Variants in ARHGAP26 observed in about 807,000 individuals in gnomAD.
The protein encoded by ARHGAP26 is Rho GTPase activating protein 26.
A neutral mutation model predicts 104.8 loss-of-function variants in ARHGAP26; 38 were observed. The observed-to-expected ratio is 0.36, with a 90% CI of 0.28 to 0.48. ARHGAP26 has a LOEUF of 0.48. Ranked by LOEUF, ARHGAP26 falls within the 20% of genes least tolerant of loss-of-function variation. The pLI is 0.99. For synonymous variants in ARHGAP26, 341 were observed against 340.0 expected, an observed-to-expected ratio of 1.00 and a Z score of -0.03; for missense variants, 704 against 947.9, an observed-to-expected ratio of 0.74 and a Z score of 3.38.
intron 11 of ARHGAP26, among the ~76,000 whole-genome samples, chr5:142,985,382 C>G (rs1774540314): frequency 6.6e-6 from 1 of 152,152 alleles, no homozygotes; most frequent in African/African-American, 2.4e-5. Context: ...ATAAAGTCTA[C>G]AGTATTGTGC....
chr5:142,790,612 A>T (rs924912625), intron 1 of ARHGAP26, among the ~76,000 whole-genome samples: 1 of 152,168 alleles, frequency 6.6e-6, no homozygotes, highest in African/African-American at 2.4e-5. Context: ...GCGGCCTTGT[A>T]TGATCAGGCG....
intron 20 of ARHGAP26, chr5:143,173,086 A>C (rs1306361920): frequency 5.7e-6 from 1 of 174,600 alleles, no homozygotes; most frequent in Non-Finnish European, 1.2e-5. Context: ...GTGCTGTGAC[A>C]GAGACAGACT....
chr5:142,848,817 A>G (rs765560400), intron 1 of ARHGAP26, among the ~76,000 whole-genome samples: 12 of 152,324 alleles, frequency 7.9e-5, no homozygotes, highest in South Asian at 4.1e-4. Context: ...TAACCTAGCC[A>G]TGGCTTGTGG....
In ARHGAP26 at chr5:142,867,899, A is replaced by G. The variant is rs369937156; in HGVS notation, c.155-5501A>G. Reference sequence around the variant, plus strand: ...TGTCAAACATTGAGTTGGGAGGTTCACCTCTGATGAAGGCTAATGGACTTA... The same window carrying G: ...TGTCAAACATTGAGTTGGGAGGTTCGCCTCTGATGAAGGCTAATGGACTTA... On this transcript the variant is annotated intron_variant, in intron 1 of 22. Coordinates refer to ENST00000645722, the MANE Select transcript of ARHGAP26 (RefSeq NM_001135608.3). The G allele has an allele frequency of 9.9e-5, 15 of 151,890 alleles. No individual in the cohort carries two copies. In the East Asian group the frequency reaches 2.9e-3, roughly 29 times the overall value. 9.4% of individuals were successfully genotyped at this position (151,890 alleles called of 1,614,324 possible).
chr5:143,049,553 GA>G (rs1784693220), intron 14 of ARHGAP26, among the ~76,000 whole-genome samples: 1 of 152,070 alleles, frequency 6.6e-6, no homozygotes, highest in African/African-American at 2.4e-5. Flanking sequence ...TTATTTTTCA[GA>G]GTGCTTTGGT....
At chr5:142,771,355 G>A in intron 1 of ARHGAP26, 1 of 1,232,082 alleles carries the variant, frequency 8.1e-7, no homozygotes, top group Non-Finnish European at 1.0e-6. Context: ...CCGAGGGGGC[G>A]CTGCCTCCCC....
intron 18 of ARHGAP26, among the ~76,000 whole-genome samples, chr5:143,124,756 T>C (rs1300929027): frequency 6.6e-6 from 1 of 152,090 alleles, no homozygotes; most frequent in Non-Finnish European, 1.5e-5. Context: ...CAGGGGGAGC[T>C]AGATGCCACC....
At chr5:142,929,581 T>C (rs712169) in intron 10 of ARHGAP26, among the ~76,000 whole-genome samples, 74,934 of 152,040 alleles carry the variant, frequency 0.49, 22,747 homozygotes, top group East Asian at 0.91. Context: ...ACTTCCCCTG[T>C]AAAAGGGAAC....
intron 11 of ARHGAP26, among the ~76,000 whole-genome samples, chr5:142,964,214 A>G (rs144115538): frequency 1.3e-5 from 2 of 152,346 alleles, no homozygotes; most frequent in African/African-American, 4.8e-5. Context: ...AGATGAAGAC[A>G]TAAAAAAGAT....
chr5:142,819,892 G>T (rs1269277490), intron 1 of ARHGAP26, among the ~76,000 whole-genome samples: 3 of 152,066 alleles, frequency 2.0e-5, no homozygotes, highest in African/African-American at 7.2e-5. Context: ...GACTGGTGTT[G>T]CATACACCAG....
intron 20 of ARHGAP26, among the ~76,000 whole-genome samples, chr5:143,188,428 G>T (rs916449194): frequency 5.3e-5 from 8 of 152,170 alleles, no homozygotes; most frequent in Non-Finnish European, 1.2e-4. Flanking sequence ...AAGTACATTT[G>T]ATTTTCTTTC....
intron 1 of ARHGAP26, among the ~76,000 whole-genome samples, chr5:142,782,839 A>G (rs1358786570): frequency 6.6e-6 from 1 of 152,146 alleles, no homozygotes; most frequent in Non-Finnish European, 1.5e-5. Context: ...GTGGTAAGTG[A>G]CCTGTTATTG....
At chr5:142,985,296 C>A (rs1234471951) in intron 11 of ARHGAP26, among the ~76,000 whole-genome samples, 1 of 152,068 alleles carries the variant, frequency 6.6e-6, no homozygotes, top group African/African-American at 2.4e-5. Flanking sequence ...TGTAAAGTTA[C>A]AGTAAACTAA....
intron 10 of ARHGAP26, among the ~76,000 whole-genome samples, chr5:142,927,673 T>C (rs568205382): frequency 1.3e-3 from 204 of 152,322 alleles, no homozygotes; most frequent in African/African-American, 4.8e-3. Flanking sequence ...TGCACTCATT[T>C]CTCTTGAGTA....
intron 11 of ARHGAP26, among the ~76,000 whole-genome samples, chr5:143,003,033 T>A (rs1321241669): frequency 6.6e-6 from 1 of 152,196 alleles, no homozygotes; most frequent in Non-Finnish European, 1.5e-5. Context: ...ACAACAAAGC[T>A]TCCTGAATTA....
intron 1 of ARHGAP26, among the ~76,000 whole-genome samples, chr5:142,780,390 T>C (rs1413540730): frequency 6.6e-6 from 1 of 152,208 alleles, no homozygotes; most frequent in East Asian, 1.9e-4. Context: ...GGTATGTACA[T>C]TTTTCATTTT....
chr5:143,124,006 C>T (rs1168364419), intron 18 of ARHGAP26, among the ~76,000 whole-genome samples: 1 of 152,136 alleles, frequency 6.6e-6, no homozygotes, highest in East Asian at 1.9e-4. Flanking sequence ...CTAGGGGTGA[C>T]TCTTCTTCTG....
At chr5:143,090,055 C>T (rs571840546) in intron 17 of ARHGAP26, among the ~76,000 whole-genome samples, 5 of 152,382 alleles carry the variant, frequency 3.3e-5, no homozygotes, top group African/African-American at 1.2e-4. Context: ...AATTCTTAAG[C>T]TCACTGCATC....
chr5:143,167,841 ATTT>A (rs1239554176), intron 20 of ARHGAP26, among the ~76,000 whole-genome samples: 1 of 152,194 alleles, frequency 6.6e-6, no homozygotes, highest in East Asian at 1.9e-4. Flanking sequence ...TAGTGGAAGC[ATTT>A]TTTGAGCTTT....
Sources: gnomAD v4.1 joint callset for allele counts (sites outside exome capture counted in the v4.1 genomes callset) on GRCh38, gnomAD v4.1.1 for gene constraint, MANE v1.5 for transcripts, NCBI Gene and HGNC (gene_info 2026-07-23, HGNC 2026-07-21) for gene names.